Variants in PITPNA observed in about 807,000 individuals in gnomAD.
PITPNA encodes phosphatidylinositol transfer protein alpha isoform.
In PITPNA, 13 loss-of-function variants were observed where a neutral mutation model predicts 50.3. That is an observed-to-expected ratio of 0.26 (90% CI 0.17 to 0.41). PITPNA has a LOEUF of 0.41. PITPNA is among the 10% of genes least tolerant of loss of function. The pLI, the probability that PITPNA is intolerant of heterozygous loss-of-function variation, is 1.00. For synonymous variants in PITPNA, 120 were observed against 119.6 expected (o/e 1.00, Z -0.02); for missense variants, 207 against 333.4 (o/e 0.62, Z 2.95).
At chr17:1,524,343 CT>C (rs398041515) in intron 10 of PITPNA, among the ~76,000 whole-genome samples, 3,329 of 120,950 alleles carry the variant, frequency 0.028, 29 homozygotes, top group Non-Finnish European at 0.037. Flanking sequence ...CGCACCTGGC[CT>C]TTTTTTTTTT....
At chr17:1,541,885 G>A in intron 5 of PITPNA, 1 of 594,174 alleles carries the variant, frequency 1.7e-6, no homozygotes, top group South Asian at 1.5e-5. Flanking sequence ...GGTTCAAAGA[G>A]GTTAGGTGAC....
At chr17:1,538,274 C>T (rs1418253059) in intron 7 of PITPNA, among the ~76,000 whole-genome samples, 6 of 152,250 alleles carry the variant, frequency 3.9e-5, no homozygotes, top group South Asian at 2.1e-4. Context: ...CTAACCCCCT[C>T]ATTCCCTGAG....
At chr17:1,546,297 G>A (rs1378647131) in intron 4 of PITPNA, among the ~76,000 whole-genome samples, 1 of 152,066 alleles carries the variant, frequency 6.6e-6, no homozygotes, top group Non-Finnish European at 1.5e-5. Flanking sequence ...TGCTTAAGGA[G>A]TAGGGAGGGC....
At chr17:1,529,051 TGG>T in intron 10 of PITPNA, among the ~76,000 whole-genome samples, 1 of 146,260 alleles carries the variant, frequency 6.8e-6, no homozygotes, top group East Asian at 2.0e-4. Flanking sequence ...GGCAGGAGAA[TGG>T]TGTGAACCCG....
At chr17:1,552,947 C>T (rs2151013103) in intron 3 of PITPNA, 57 bp downstream of exon 3, 3 of 1,566,308 alleles carry the variant, frequency 1.9e-6, no homozygotes, top group Middle Eastern at 3.7e-4. Context: ...AAGGAAATAA[C>T]ACTCATTCAC....
chr17:1,532,013 G>C (rs2075585896), intron 10 of PITPNA, among the ~76,000 whole-genome samples: 1 of 152,122 alleles, frequency 6.6e-6, no homozygotes, highest in Non-Finnish European at 1.5e-5. Context: ...TCTTCTATTT[G>C]CAGTTATCCT....
At chr17:1,527,713 G>GA (rs1249637315) in intron 10 of PITPNA, among the ~76,000 whole-genome samples, 2 of 151,976 alleles carry the variant, frequency 1.3e-5, no homozygotes, top group African/African-American at 4.8e-5. Context: ...ATACACCTTT[G>GA]ATCTAAAAAA....
chr17:1,536,894 A>AT (rs35841957), intron 7 of PITPNA, among the ~76,000 whole-genome samples: 15,886 of 98,288 alleles, frequency 0.16, 1,485 homozygotes, highest in Non-Finnish European at 0.19. Context: ...TGTCCGGCCG[A>AT]TTTTTTTTTT....
rs2075773654 is a variant in PITPNA at position 1,562,492 on chromosome 17, G to A, written c.20+49C>T. On this transcript the variant is annotated intron_variant, in intron 1 of 11. Transcript: ENST00000313486. This position sits in a 1 kb window ranked among gnomAD's most constrained non-coding sequence, Gnocchi z 6.4. Reference sequence around the variant, plus strand: ...TCGCCGCGCCGTCGCCCCGGCGGCCGTCCCCACCCTCCCTCCTCCCCGCTT... The same window carrying A: ...TCGCCGCGCCGTCGCCCCGGCGGCCATCCCCACCCTCCCTCCTCCCCGCTT... 6.5e-6 allele frequency: 9 copies of A among 1,386,002 alleles called. No homozygotes were observed. The highest frequency in any genetic ancestry group is 4.4e-5 in the South Asian group (3 of 68,048). 85.9% of individuals were successfully genotyped at this position (1,386,002 alleles called of 1,614,324 possible). A position where few individuals can be genotyped will look rare whatever the true frequency, so the allele number is the denominator to read the frequency against.
intron 3 of PITPNA, among the ~76,000 whole-genome samples, chr17:1,549,836 A>G (rs557043734): frequency 1.8e-5 from 2 of 111,714 alleles, no homozygotes; most frequent in Admixed American, 2.2e-4. Flanking sequence ...CACCACGCCC[A>G]GCTAATTTTT....
At chr17:1,552,580 T>G (rs934453518) in intron 3 of PITPNA, among the ~76,000 whole-genome samples, 15 of 152,156 alleles carry the variant, frequency 9.9e-5, no homozygotes, top group Admixed American at 8.5e-4. Flanking sequence ...TTCTAGGAAT[T>G]CAATTTTAGG....
chr17:1,548,560 G>T (rs2075691020), intron 3 of PITPNA, among the ~76,000 whole-genome samples, 173 bp from the exon 4 acceptor site: 1 of 152,054 alleles, frequency 6.6e-6, no homozygotes, highest in Admixed American at 6.5e-5. Context: ...CACCTTGGCT[G>T]GCTCCTAACA....
At chr17:1,530,498 A>G (rs1356048048) in intron 10 of PITPNA, among the ~76,000 whole-genome samples, 1 of 152,228 alleles carries the variant, frequency 6.6e-6, no homozygotes, top group Non-Finnish European at 1.5e-5. Flanking sequence ...CCGCCCGGAC[A>G]GGGACTAGAG....
chr17:1,535,369 T>C (rs1335537629), intron 8 of PITPNA, 72 bp downstream of exon 8: 12 of 1,498,450 alleles, frequency 8.0e-6, no homozygotes, highest in Non-Finnish European at 1.0e-5. Flanking sequence ...ACCCCAGCCA[T>C]GCCCCTCCTC....
intron 1 of PITPNA, among the ~76,000 whole-genome samples, chr17:1,558,908 C>T (rs1486532045): frequency 6.6e-6 from 1 of 151,906 alleles, no homozygotes; most frequent in Non-Finnish European, 1.5e-5. Flanking sequence ...CCCAGGCCTC[C>T]ACCTCACATT....
chr17:1,536,015 A>G (rs1325596332), intron 7 of PITPNA, among the ~76,000 whole-genome samples: 2 of 152,100 alleles, frequency 1.3e-5, no homozygotes, highest in African/African-American at 4.8e-5. Flanking sequence ...TTCCAGTGCA[A>G]TCTCCCTCTG....
intron 10 of PITPNA, among the ~76,000 whole-genome samples, chr17:1,529,719 G>A (rs1475630950): frequency 1.3e-5 from 2 of 151,908 alleles, no homozygotes; most frequent in Non-Finnish European, 2.9e-5. Flanking sequence ...GCCAGGCGTG[G>A]TGGCGGGCAC....
At position 1,548,346 on chromosome 17, in the gene PITPNA, G is replaced by A; in HGVS notation, c.239C>T (p.Ala80Val). 1.2e-6 allele frequency: 2 copies of A among 1,608,608 alleles called. No homozygotes were observed. The highest frequency in any genetic ancestry group is 1.7e-6 in the Non-Finnish European group (2 of 1,177,680). ...TFVRMLAPEG[A>V]LNIHEKAWNA... is the part of the protein sequence containing the mutation. Reference sequence around the variant, plus strand: ...CCAGGCTTTCTCGTGTATATTCAGGGCTCCCTCTGGGGCCAGCATTCGAAC... The same window carrying A: ...CCAGGCTTTCTCGTGTATATTCAGGACTCCCTCTGGGGCCAGCATTCGAAC... The change falls in exon 4 of 12, where the codon GCC becomes GTC. Residue 80 changes from alanine (A) to valine (V), a missense_variant. Physicochemically the swap from Ala to Val is moderately conservative, Grantham distance 64. Coordinates refer to ENST00000313486, the MANE Select transcript of PITPNA (RefSeq NM_006224.4).
intron 10 of PITPNA, among the ~76,000 whole-genome samples, chr17:1,533,415 A>G (rs1326621228): frequency 6.6e-6 from 1 of 152,082 alleles, no homozygotes; most frequent in African/African-American, 2.4e-5. Context: ...GCGCCTCCTC[A>G]TGGGGTATCG....
Sources: allele counts gnomAD v4.1 joint callset (sites outside exome capture counted in the v4.1 genomes callset), GRCh38; gene constraint gnomAD v4.1.1; non-coding constraint Gnocchi (gnomAD v3.1); transcripts MANE v1.5; gene names NCBI Gene and HGNC (gene_info 2026-07-23, HGNC 2026-07-21).